Variants in EXPH5 observed in about 807,000 individuals in gnomAD.
EXPH5 encodes exophilin 5.
In EXPH5, 42 loss-of-function variants were observed where a neutral mutation model predicts 41.1. The observed-to-expected ratio is 1.02, with a 90% CI of 0.80 to 1.32. The LOEUF is 1.32. Among genes scored for constraint, EXPH5 ranks in the 40% most tolerant of loss-of-function variants. EXPH5 has a pLI of 0.00. For missense variants in EXPH5, 2,298 were observed against 2,314.5 expected (o/e 0.99, Z 0.15); for synonymous variants, 798 against 833.5 (o/e 0.96, Z 0.73).
chr11:108,569,813 C>G (rs753130595), intron 1 of EXPH5, among the ~76,000 whole-genome samples: 35 of 139,302 alleles, frequency 2.5e-4, no homozygotes, highest in Non-Finnish European at 5.0e-4. Context: ...ATCTATGGGG[C>G]TCTCACTTTA....
Position 108,541,812 on chromosome 11 carries a change from G to A in EXPH5, c.120C>T (p.Ser40=), listed in dbSNP as rs1015863449. ...TATCCCTCTTTGTCTTCTGAAGTTTGCTGAAATAAAATAAAACATTAATGT... is the reference window on the plus strand; with the variant it reads ...TATCCCTCTTTGTCTTCTGAAGTTTACTGAAATAAAATAAAACATTAATGT... The part of the protein sequence containing the change: ...ELQRAEKDRI[S]KLQKTKRDIR... Residue 40 remains serine (S), a splice_region_variant and synonymous_variant, in exon 2 of 6, where the codon AGC becomes AGT. Coordinates refer to ENST00000265843, the MANE Select transcript of EXPH5 (RefSeq NM_015065.3). 3 of 1,582,900 alleles carry A rather than the reference G, an allele frequency of 1.9e-6. No individual in the cohort carries two copies. Among genetic ancestry groups the A allele is most frequent in the Non-Finnish European group, 1.7e-6 (2 of 1,168,968 alleles).
Position 108,558,955 on chromosome 11 carries a change from C to T in EXPH5, c.120-17143G>A, listed in dbSNP as rs115676861. On this transcript the variant is annotated intron_variant, in intron 1 of 5. Transcript: ENST00000265843. ...AGTCACGAAAGGTGAAAACACTTGC[C>T]AGAGGTTGTAAAGTGGTGAGTGAAA... Among the ~76,000 whole-genome samples, 211 of 152,246 alleles carry T rather than the reference C, an allele frequency of 1.4e-3. 1 individual carries two copies. The highest frequency in any genetic ancestry group is 4.6e-3 in the African/African-American group (193 of 41,564).
chr11:108,511,794 G>GA lies in EXPH5; in HGVS notation c.3712dup (p.Ser1238PhefsTer3), dbSNP rs1324584103. ...ACATTTTACATTATCTTCATCACCA[G>GA]AAACAGAAAACGTACTAGTCGTCTT... On this transcript the variant is annotated frameshift_variant, in exon 6 of 6. Transcript: ENST00000265843. LOFTEE classifies it low-confidence loss of function (END_TRUNC). The GA allele has an allele frequency of 6.2e-7, 1 of 1,609,650 alleles. No homozygotes were observed. Among genetic ancestry groups the GA allele is most frequent in the Non-Finnish European group, 8.5e-7 (1 of 1,179,020 alleles).
chr11:108,526,668 T>C (rs577842718), intron 4 of EXPH5, among the ~76,000 whole-genome samples: 1 of 152,214 alleles, frequency 6.6e-6, no homozygotes, highest in Non-Finnish European at 1.5e-5. Context: ...CTGGGGTCCA[T>C]GTGCAAACAG....
chr11:108,555,239 A>AT (rs2093984897), intron 1 of EXPH5, among the ~76,000 whole-genome samples: 1 of 152,252 alleles, frequency 6.6e-6, no homozygotes, highest in Non-Finnish European at 1.5e-5. Flanking sequence ...AGAATATTGC[A>AT]TGTACTTTAT....
intron 1 of EXPH5, among the ~76,000 whole-genome samples, chr11:108,588,971 C>T (rs1050448352): frequency 1.3e-5 from 2 of 152,156 alleles, no homozygotes; most frequent in Non-Finnish European, 2.9e-5. Flanking sequence ...GTGCAGACAG[C>T]TCAGAGATCC....
intron 3 of EXPH5, among the ~76,000 whole-genome samples, chr11:108,536,923 C>T (rs960262954): frequency 1.3e-5 from 2 of 152,208 alleles, no homozygotes; most frequent in African/African-American, 4.8e-5. Flanking sequence ...GTGTGACAGT[C>T]AAGCCCTTGA....
At chr11:108,540,247 C>T (rs935556572) in intron 2 of EXPH5, among the ~76,000 whole-genome samples, 3 of 152,090 alleles carry the variant, frequency 2.0e-5, no homozygotes, top group East Asian at 1.9e-4. Context: ...TGCTTGAACC[C>T]GGGAGGTAGA....
rs138726804 is a variant in EXPH5, at chr11:108,561,183, G to T, written c.120-19371C>A. Among the ~76,000 whole-genome samples, 7 of 152,302 alleles carry T rather than the reference G, an allele frequency of 4.6e-5. No individual in the cohort carries two copies. The East Asian group carries it at 1.2e-3, about 25-fold the overall frequency. ...CAATGCAAAGAAGCAGTAGTGCCAG[G>T]TGTGCTTTATAGAAGGAAAGAACTG... On this transcript the variant is annotated intron_variant, in intron 1 of 5. Transcript: ENST00000265843.
the EXPH5 span, among the ~76,000 whole-genome samples, chr11:108,606,083 C>T: frequency 6.6e-6 from 1 of 152,128 alleles, no homozygotes; most frequent in African/African-American, 2.4e-5. Context: ...GGCTGGAGTG[C>T]AGTGGCACGA....
chr11:108,599,984 G>A, the EXPH5 span, among the ~76,000 whole-genome samples: 1 of 152,166 alleles, frequency 6.6e-6, no homozygotes, highest in Non-Finnish European at 1.5e-5. Flanking sequence ...CTAATCCCTT[G>A]AACTTGATTT....
intron 1 of EXPH5, among the ~76,000 whole-genome samples, chr11:108,566,610 T>C (rs1165766357): frequency 6.6e-6 from 1 of 152,106 alleles, no homozygotes; most frequent in Non-Finnish European, 1.5e-5. Flanking sequence ...TCTAGCATTT[T>C]GGGAGGCCGA....
At chr11:108,537,050 T>A (rs2093884387) in intron 3 of EXPH5, among the ~76,000 whole-genome samples, 1 of 152,146 alleles carries the variant, frequency 6.6e-6, no homozygotes, top group Non-Finnish European at 1.5e-5. Flanking sequence ...TGAATCACAG[T>A]CCATTTTGCA....
intron 1 of EXPH5, among the ~76,000 whole-genome samples, chr11:108,562,612 A>AAAAG (rs1043856977): frequency 2.6e-5 from 4 of 152,062 alleles, no homozygotes; most frequent in African/African-American, 7.2e-5. Context: ...CTGTTTCAAA[A>AAAAG]AAAGAAAGAA....
chr11:108,582,602 G>T (rs2094101823), intron 1 of EXPH5, among the ~76,000 whole-genome samples: 1 of 152,172 alleles, frequency 6.6e-6, no homozygotes, highest in Admixed American at 6.5e-5. Flanking sequence ...TGATCAAGTG[G>T]GATTTTCTTG....
At chr11:108,527,148 T>C (rs1414790847) in intron 4 of EXPH5, among the ~76,000 whole-genome samples, 1 of 152,026 alleles carries the variant, frequency 6.6e-6, no homozygotes, top group Non-Finnish European at 1.5e-5. Context: ...GGTGAAACCC[T>C]GTGTCTACTA....
intron 1 of EXPH5, among the ~76,000 whole-genome samples, chr11:108,581,343 A>G (rs538525935): frequency 6.6e-6 from 1 of 152,160 alleles, no homozygotes; most frequent in South Asian, 2.1e-4. Flanking sequence ...ATGCATATAT[A>G]TAGTTTCAAA....
intron 1 of EXPH5, among the ~76,000 whole-genome samples, chr11:108,550,703 T>C (rs1221270419): frequency 6.6e-6 from 1 of 152,004 alleles, no homozygotes; most frequent in Non-Finnish European, 1.5e-5. Flanking sequence ...TGCTTGAACC[T>C]GGGAGGCAGA....
chr11:108,513,735 T>C lies in EXPH5; in HGVS notation c.1772A>G (p.His591Arg). Residue 591 changes from histidine to arginine, a missense_variant, in exon 6 of 6, where the codon CAC (histidine) becomes CGC (arginine). By Grantham distance (29) the His-to-Arg change is conservative. Transcript: ENST00000265843. ...NVCSMTGSSY[H>R]VKSSELVSQQ... ...ACTTACCAACTCACTAGATTTGACG[T>C]GATAGCTTGAACCAGTCATGGAGCA... is the stretch of plus-strand genomic sequence containing the variant. The C allele has an allele frequency of 3.1e-6, 5 of 1,611,906 alleles. No homozygotes were observed. The highest frequency in any genetic ancestry group is 2.5e-6 in the Non-Finnish European group (3 of 1,179,184).
Sources: gnomAD v4.1 joint callset for allele counts (sites outside exome capture counted in the v4.1 genomes callset) on GRCh38, gnomAD v4.1.1 for gene constraint, MANE v1.5 for transcripts, NCBI Gene and HGNC (gene_info 2026-07-23, HGNC 2026-07-21) for gene names.